The following UNC45A variants were observed in gnomAD, a reference collection of about 807,000 sequenced individuals.
UNC45A encodes unc-45 myosin chaperone A.
UNC45A carries 78 observed loss-of-function variants against 103.2 expected under a neutral mutation model. The ratio of observed to expected loss-of-function variants is 0.76; its 90% CI spans 0.63 to 0.91. The LOEUF is 0.91. UNC45A is among the 40% of genes least tolerant of loss of function. The pLI is 0.00. For synonymous variants in UNC45A, 495 were observed against 504.6 expected (o/e 0.98, Z 0.25); for missense variants, 1,193 against 1,224.8 (o/e 0.97, Z 0.39).
At chr15:90,935,188 C>A, upstream of UNC45A, 1 of 865,074 alleles carries the variant, frequency 1.2e-6, no homozygotes, top group Non-Finnish European at 1.8e-6. Flanking sequence ...CGGGCGCGCT[C>A]CCTCCTTAGC....
At chr15:90,935,060 G>T (rs1043812543), upstream of UNC45A, 3 of 572,572 alleles carry the variant, frequency 5.2e-6, no homozygotes, top group Non-Finnish European at 9.2e-6. Context: ...TGGAGCCACC[G>T]CAGGCCTCCC....
intron 17 of UNC45A, chr15:90,952,135 C>A (rs932732140): frequency 6.6e-6 from 1 of 152,316 alleles, no homozygotes; most frequent in African/African-American, 2.4e-5. Flanking sequence ...GACTTGATTG[C>A]ATGAGGGTGT....
At chr15:90,951,084 C>T (rs933620891) in intron 17 of UNC45A, among the ~76,000 whole-genome samples, 3 of 152,134 alleles carry the variant, frequency 2.0e-5, no homozygotes, top group Admixed American at 6.6e-5. Context: ...CTCAGCTCAC[C>T]GCAACCTCTG....
chr15:90,936,544 G>A (rs1303365823), intron 4 of UNC45A, 84 bp downstream of exon 4: 2 of 1,478,866 alleles, frequency 1.4e-6, no homozygotes. Context: ...TTCTCCAGAC[G>A]AGATCCCGGT....
intron 1 of UNC45A, 41 bp from the exon 2 acceptor site, chr15:90,935,503 C>G (rs926902733): frequency 6.3e-7 from 1 of 1,576,834 alleles, no homozygotes; most frequent in Non-Finnish European, 8.6e-7. Context: ...GGGCTCTGCC[C>G]CGAACCCCCT....
intron 17 of UNC45A, among the ~76,000 whole-genome samples, chr15:90,951,181 T>G (rs774791310): frequency 1.3e-5 from 2 of 152,188 alleles, no homozygotes; most frequent in East Asian, 3.9e-4. Context: ...CTAATTTTTG[T>G]ATTTTTGTAG....
In UNC45A at chr15:90,948,144, G is replaced by A. The variant is rs752923874; in HGVS notation, c.1598G>A (p.Trp533Ter). 3 of 1,613,922 alleles carry A rather than the reference G, an allele frequency of 1.9e-6. No individual in the cohort carries two copies. Among genetic ancestry groups the A allele is most frequent in the Non-Finnish European group, 2.5e-6 (3 of 1,180,044 alleles). Reference sequence around the variant, plus strand: ...TCCACTATCCTGCGTGTCCCCAGGTGGCTGTGCAATGACCAGATCGACGCA... The same window carrying A: ...TCCACTATCCTGCGTGTCCCCAGGTAGCTGTGCAATGACCAGATCGACGCA... ...TLKLAKQCRK[W>*]LCNDQIDAGT... Residue 533 changes from tryptophan to a stop codon, truncating the protein, a stop_gained and splice_region_variant, in exon 12 of 20, where the codon TGG becomes TAG. Transcript: ENST00000418476. LOFTEE classifies it high-confidence loss of function.
chr15:90,942,572 G>T lies in UNC45A; in HGVS notation c.823G>T (p.Gly275Cys). ...TGCCCTCAAGGAAGGTGTCAAAAAAGGCTTCCGAGGCAAAGAAGGTGCCAT... is the reference window on the plus strand; with the variant it reads ...TGCCCTCAAGGAAGGTGTCAAAAAATGCTTCCGAGGCAAAGAAGGTGCCAT... ...FDALKEGVKK[G>C]FRGKEGAIIV... The change falls in exon 7 of 20, where the codon GGC (glycine) becomes TGC (cysteine). Residue 275 changes from glycine (G) to cysteine (C), a missense_variant. Physicochemically the swap from Gly to Cys is radical, Grantham distance 159. Coordinates refer to ENST00000418476, the MANE Select transcript of UNC45A (RefSeq NM_018671.5). The T allele has an allele frequency of 6.2e-7, 1 of 1,614,172 alleles. No individual in the cohort carries two copies. Among genetic ancestry groups the T allele is most frequent in the Non-Finnish European group, 8.5e-7 (1 of 1,180,040 alleles).
In UNC45A at chr15:90,953,281, C is replaced by T; in HGVS notation, c.2548C>T (p.Pro850Ser). ...CTTGGCCATGCTTACCTCCATGCGGCCCACGCTCTGCAGCCGCATTCCCCA... is the reference window on the plus strand; with the variant it reads ...CTTGGCCATGCTTACCTCCATGCGGTCCACGCTCTGCAGCCGCATTCCCCA... ...GGLAMLTSMR[P>S]TLCSRIPQVT... The change falls in exon 19 of 20, where the codon CCC (proline) becomes TCC (serine). Residue 850 changes from proline to serine, a missense_variant. Physicochemically the swap from Pro to Ser is moderately conservative, Grantham distance 74. Coordinates refer to ENST00000418476, the MANE Select transcript of UNC45A (RefSeq NM_018671.5). The T allele has an allele frequency of 6.2e-7, 1 of 1,611,988 alleles. No individual in the cohort carries two copies. Among genetic ancestry groups the T allele is most frequent in the Non-Finnish European group, 8.5e-7 (1 of 1,179,428 alleles).
chr15:90,934,760 G>A (rs1440287625), upstream of UNC45A: 10 of 400,132 alleles, frequency 2.5e-5, no homozygotes, highest in Non-Finnish European at 4.0e-5. Context: ...TCCTGAATCT[G>A]CCCATGGGTG....
intron 19 of UNC45A, 37 bp downstream of exon 19, chr15:90,953,347 C>G: frequency 6.3e-7 from 1 of 1,593,730 alleles, no homozygotes; most frequent in Non-Finnish European, 8.5e-7. Context: ...GAGGGACGGA[C>G]CAGGAACTCC....
intron 10 of UNC45A, 183 bp from the exon 11 acceptor site, chr15:90,947,613 C>G: frequency 1.7e-6 from 1 of 604,224 alleles, no homozygotes; most frequent in Non-Finnish European, 3.0e-6. Context: ...GCGGCCACCC[C>G]AGTAGCTGAT....
intron 1 of UNC45A, 40 bp from the exon 2 acceptor site, chr15:90,935,504 C>T (rs754712134): frequency 1.3e-6 from 2 of 1,576,678 alleles, no homozygotes; most frequent in Non-Finnish European, 1.7e-6. Context: ...GGCTCTGCCC[C>T]GAACCCCCTC....
rs985122593 is a variant in UNC45A at position 90,944,949 on chromosome 15, C to T, written c.1085C>T (p.Ala362Val). Reference sequence around the variant, plus strand: ...CTACAGGACCCTCCTGGGGAGCTCGCAGTGACCGCAAACAGCCGCATGAGC... The same window carrying T: ...CTACAGGACCCTCCTGGGGAGCTCGTAGTGACCGCAAACAGCCGCATGAGC... ...GSLQDPPGEL[A>V]VTANSRMSAS... The change falls in exon 9 of 20, where the codon GCA becomes GTA. Residue 362 changes from alanine (A) to valine (V), a missense_variant. Coordinates refer to ENST00000418476, the MANE Select transcript of UNC45A (RefSeq NM_018671.5). 5.0e-6 allele frequency: 8 copies of T among 1,612,610 alleles called. No homozygotes were observed. The highest frequency in any genetic ancestry group is 5.9e-6 in the Non-Finnish European group (7 of 1,180,022).
At position 90,946,877 on chromosome 15, in the gene UNC45A, G is replaced by A; in HGVS notation, c.1463G>A (p.Cys488Tyr). Residue 488 changes from cysteine (C) to tyrosine (Y), a missense_variant, in exon 10 of 20, where the codon TGC (cysteine) becomes TAC (tyrosine). By Grantham distance (194) the Cys-to-Tyr change is radical (BLOSUM62 -2). Transcript: ENST00000418476. ...TCGCTGCTGAAGGACCTATATAAGT[G>A]CAGCGAGAAGGACAGCATCCGCATC... ...GVSLLKDLYK[C>Y]SEKDSIRIRA... is the part of the protein sequence containing the mutation. 2 of 1,493,824 alleles carry A rather than the reference G, an allele frequency of 1.3e-6. No individual in the cohort carries two copies. The highest frequency in any genetic ancestry group is 1.8e-6 in the Non-Finnish European group (2 of 1,106,798). 92.5% of individuals were successfully genotyped at this position (1,493,824 alleles called of 1,614,324 possible).
chr15:90,950,348 C>T, intron 16 of UNC45A, 81 bp downstream of exon 16: 2 of 1,500,346 alleles, frequency 1.3e-6, no homozygotes, highest in Non-Finnish European at 1.8e-6. Context: ...CCCTTTGGGA[C>T]CAGCAGGAAG....
upstream of UNC45A, chr15:90,935,190 C>T (rs2035937452): frequency 1.1e-6 from 1 of 906,854 alleles, no homozygotes; most frequent in Non-Finnish European, 1.7e-6. Flanking sequence ...GGCGCGCTCC[C>T]TCCTTAGCCC....
chr15:90,939,670 G>A, intron 4 of UNC45A, 61 bp from the exon 5 acceptor site: 2 of 1,554,696 alleles, frequency 1.3e-6, no homozygotes, highest in South Asian at 1.1e-5. Flanking sequence ...CAAATGAATA[G>A]GGAGTGTGAT....
chr15:90,946,941 G>A, intron 10 of UNC45A, 27 bp downstream of exon 10: 1 of 1,542,310 alleles, frequency 6.5e-7, no homozygotes, highest in Non-Finnish European at 8.9e-7. Context: ...GGGGTGGGTG[G>A]GCAGGCAGCC....
Sources: gnomAD v4.1 joint callset for allele counts (sites outside exome capture counted in the v4.1 genomes callset) on GRCh38, gnomAD v4.1.1 for gene constraint, MANE v1.5 for transcripts, NCBI Gene and HGNC (gene_info 2026-07-23, HGNC 2026-07-21) for gene names.